The following KCNH7 variants were observed in gnomAD, a reference collection of about 807,000 sequenced individuals.
KCNH7 encodes potassium voltage-gated channel subfamily H member 7.
Under a neutral mutation model 120.8 loss-of-function variants are expected in KCNH7, and 49 were observed. That is an observed-to-expected ratio of 0.41 (90% CI 0.32 to 0.51). The LOEUF is 0.51. Ranked by LOEUF, KCNH7 falls within the 20% of genes least tolerant of loss-of-function variation. The pLI is 0.38. For synonymous variants in KCNH7, 547 were observed against 516.1 expected, an observed-to-expected ratio of 1.06 and a Z score of -0.81; for missense variants, 1,097 against 1,446.6, an observed-to-expected ratio of 0.76 and a Z score of 3.92.
chr2:162,525,433 G>A (rs1558994669), intron 3 of KCNH7, among the ~76,000 whole-genome samples: 1 of 151,838 alleles, frequency 6.6e-6, no homozygotes, highest in Non-Finnish European at 1.5e-5. Context: ...ATTTGGATAA[G>A]GGAGATAGGG....
intron 2 of KCNH7, among the ~76,000 whole-genome samples, chr2:162,646,163 C>A (rs1261128417): frequency 6.6e-6 from 1 of 152,150 alleles, no homozygotes; most frequent in Non-Finnish European, 1.5e-5. Context: ...TTTATATTTG[C>A]AAATATATTT....
chr2:162,807,640 A>C (rs955037737), intron 2 of KCNH7, among the ~76,000 whole-genome samples: 1 of 152,096 alleles, frequency 6.6e-6, no homozygotes, highest in African/African-American at 2.4e-5. Context: ...ATGAGCCTTG[A>C]AACTACATAC....
At chr2:162,581,705 T>C (rs550676410) in intron 2 of KCNH7, among the ~76,000 whole-genome samples, 36 of 152,218 alleles carry the variant, frequency 2.4e-4, no homozygotes, top group African/African-American at 8.4e-4. Context: ...AAAATTAATA[T>C]CTATTTCATT....
At chr2:162,559,458 T>G (rs1692985065) in intron 2 of KCNH7, among the ~76,000 whole-genome samples, 1 of 152,202 alleles carries the variant, frequency 6.6e-6, no homozygotes, top group South Asian at 2.1e-4. Context: ...GGTCTACTAT[T>G]AATCCTAGTA....
intron 2 of KCNH7, among the ~76,000 whole-genome samples, chr2:162,734,492 G>A (rs938790456): frequency 2.6e-5 from 4 of 152,046 alleles, no homozygotes; most frequent in South Asian, 2.1e-4. Flanking sequence ...TCGATATTGC[G>A]TTTTTCCTGC....
At chr2:162,493,423 T>C (rs911718128) in intron 6 of KCNH7, among the ~76,000 whole-genome samples, 1 of 152,178 alleles carries the variant, frequency 6.6e-6, no homozygotes, top group African/African-American at 2.4e-5. Context: ...GAAATAAAAG[T>C]CTTAAAGATT....
intron 12 of KCNH7, 38 bp from the exon 13 acceptor site, chr2:162,384,977 C>A: frequency 6.5e-7 from 1 of 1,536,222 alleles, no homozygotes; most frequent in Non-Finnish European, 8.9e-7. Context: ...TATTTTATAG[C>A]AGACAATTAA....
intron 2 of KCNH7, among the ~76,000 whole-genome samples, chr2:162,647,328 T>C (rs1013076189): frequency 2.0e-5 from 3 of 152,186 alleles, no homozygotes; most frequent in African/African-American, 7.2e-5. Context: ...TTATACTTAA[T>C]AGCTACAGTA....
At chr2:162,634,765 G>C (rs937650351) in intron 2 of KCNH7, among the ~76,000 whole-genome samples, 1 of 151,964 alleles carries the variant, frequency 6.6e-6, no homozygotes, top group Non-Finnish European at 1.5e-5. Context: ...GTCAATGAAA[G>C]TCAATAAGAA....
At chr2:162,767,813 T>G (rs772863452) in intron 2 of KCNH7, among the ~76,000 whole-genome samples, 1 of 152,180 alleles carries the variant, frequency 6.6e-6, no homozygotes, top group Non-Finnish European at 1.5e-5. Flanking sequence ...ACCCATGTCT[T>G]AGTTTTTAAT....
intron 6 of KCNH7, among the ~76,000 whole-genome samples, chr2:162,447,304 T>C (rs921834536): frequency 1.3e-5 from 2 of 152,104 alleles, no homozygotes; most frequent in East Asian, 1.9e-4. Context: ...GTTTTGTCTC[T>C]ACCAAGTAGA....
intron 3 of KCNH7, 71 bp from the exon 4 acceptor site, chr2:162,518,229 T>C: frequency 9.1e-7 from 1 of 1,099,288 alleles, no homozygotes; most frequent in Non-Finnish European, 1.3e-6. Context: ...ACAAACATTG[T>C]TGACTCATAT....
At chr2:162,678,092 G>C (rs1299756718) in intron 2 of KCNH7, among the ~76,000 whole-genome samples, 6 of 151,282 alleles carry the variant, frequency 4.0e-5, no homozygotes, top group Non-Finnish European at 8.9e-5. Context: ...TATATGTGTA[G>C]ATGTATGTAC....
At chr2:162,510,602 A>G (rs1242100196) in intron 5 of KCNH7, among the ~76,000 whole-genome samples, 1 of 151,724 alleles carries the variant, frequency 6.6e-6, no homozygotes, top group Non-Finnish European at 1.5e-5. Flanking sequence ...TATTTAATTC[A>G]GAATTAAATA....
At chr2:162,633,739 A>G (rs1683846046) in intron 2 of KCNH7, among the ~76,000 whole-genome samples, 1 of 151,964 alleles carries the variant, frequency 6.6e-6, no homozygotes, top group Admixed American at 6.6e-5. Context: ...TTATGTGTCT[A>G]TTCTCGTACC....
chr2:162,379,719 T>C (rs920945055), intron 14 of KCNH7, 134 bp downstream of exon 14: 9 of 830,428 alleles, frequency 1.1e-5, no homozygotes, highest in East Asian at 2.6e-5. Flanking sequence ...CAACTTCTAG[T>C]CTTATTTTAA....
intron 2 of KCNH7, among the ~76,000 whole-genome samples, chr2:162,545,171 T>G (rs1692437148): frequency 6.6e-6 from 1 of 152,186 alleles, no homozygotes; most frequent in Admixed American, 6.5e-5. Flanking sequence ...GGAAAGGGCT[T>G]GCCGTAATTA....
At chr2:162,538,626 G>C (rs1194496243) in intron 2 of KCNH7, among the ~76,000 whole-genome samples, 1 of 152,026 alleles carries the variant, frequency 6.6e-6, no homozygotes, top group Admixed American at 6.6e-5. Context: ...AATAAAGTCA[G>C]CATAAGAAAA....
chr2:162,426,902 G>C (rs1211590306), intron 8 of KCNH7, among the ~76,000 whole-genome samples: 1 of 151,822 alleles, frequency 6.6e-6, no homozygotes, highest in South Asian at 2.1e-4. Context: ...CAACCACCGA[G>C]CTCCTTTATG....
Sources: gnomAD v4.1 joint callset for allele counts (sites outside exome capture counted in the v4.1 genomes callset) on GRCh38, gnomAD v4.1.1 for gene constraint, MANE v1.5 for transcripts, NCBI Gene and HGNC (gene_info 2026-07-23, HGNC 2026-07-21) for gene names.